Variants in NFATC3 observed in about 807,000 individuals in gnomAD.
NFATC3 encodes nuclear factor of activated T cells 3.
A neutral mutation model predicts 98.6 loss-of-function variants in NFATC3; 46 were observed. The ratio of observed to expected loss-of-function variants is 0.47; its 90% confidence interval spans 0.37 to 0.60. The LOEUF (loss-of-function observed/expected upper bound fraction) is 0.60, where lower values mean the gene tolerates loss of function less well. Among genes scored for constraint, NFATC3 ranks in the 20% least tolerant of loss-of-function variants. NFATC3 has a pLI of 0.00. For synonymous variants in NFATC3, 512 were observed against 472.2 expected (o/e 1.08, Z -1.09); for missense variants, 1,256 against 1,295.5 (o/e 0.97, Z 0.47).
intron 9 of NFATC3, chr16:68,221,550 A>G (rs1206770555): frequency 8.4e-7 from 1 of 1,188,942 alleles, no homozygotes; most frequent in Non-Finnish European, 1.0e-6. Flanking sequence ...TACTCAATAT[A>G]TGTAAGCACT....
At chr16:68,118,015 G>A (rs1046841238) in intron 1 of NFATC3, among the ~76,000 whole-genome samples, 1 of 152,004 alleles carries the variant, frequency 6.6e-6, no homozygotes, top group Non-Finnish European at 1.5e-5. Context: ...TCTATGTCTT[G>A]GCTTCTTCTA....
chr16:68,086,396 T>C (rs1437045142), intron 1 of NFATC3, among the ~76,000 whole-genome samples: 1 of 152,140 alleles, frequency 6.6e-6, no homozygotes, highest in East Asian at 1.9e-4. Flanking sequence ...TTTTTTTTAA[T>C]AGTGGGTTGC....
chr16:68,140,984 A>G (rs2037721998), intron 3 of NFATC3, among the ~76,000 whole-genome samples: 1 of 152,134 alleles, frequency 6.6e-6, no homozygotes, highest in African/African-American at 2.4e-5. Context: ...TATCCATTAT[A>G]CCACTCTTTA....
At chr16:68,186,206 A>C (rs1410879602) in intron 8 of NFATC3, among the ~76,000 whole-genome samples, 1 of 151,772 alleles carries the variant, frequency 6.6e-6, no homozygotes, top group African/African-American at 2.4e-5. Flanking sequence ...AAGTCAGTAC[A>C]TTACTGTAAT....
At position 68,122,382 on chromosome 16, in the gene NFATC3, G is replaced by A; in HGVS notation, c.499G>A (p.Ala167Thr). The A allele has an allele frequency of 6.2e-7, 1 of 1,614,088 alleles. No homozygotes were observed. Among genetic ancestry groups the A allele is most frequent in the Non-Finnish European group, 8.5e-7 (1 of 1,180,024 alleles). The change falls in exon 2 of 10, where the codon GCC (alanine) becomes ACC (threonine). Residue 167 changes from alanine (A) to threonine (T), a missense_variant. Around this residue, in one of 3 missense-constraint regions of NFATC3, gnomAD observed 464 missense variants for 465.7 expected, o/e 1.00. Transcript: ENST00000346183. Reference sequence around the variant, plus strand: ...GGAGTCTTCTCTTAGTCCTAGTCCTGCCAGCAGCATCTCTTCTAGGAGTTG... The same window carrying A: ...GGAGTCTTCTCTTAGTCCTAGTCCTACCAGCAGCATCTCTTCTAGGAGTTG... ...YRESSLSPSP[A>T]SSISSRSWFS...
At chr16:68,152,593 C>G (rs1417936244) in intron 3 of NFATC3, among the ~76,000 whole-genome samples, 1 of 152,082 alleles carries the variant, frequency 6.6e-6, no homozygotes, top group Non-Finnish European at 1.5e-5. Context: ...TCACTGCAGC[C>G]TTGAACTGGC....
intron 3 of NFATC3, among the ~76,000 whole-genome samples, chr16:68,140,350 G>A (rs1271828364): frequency 6.6e-6 from 1 of 152,214 alleles, no homozygotes; most frequent in Non-Finnish European, 1.5e-5. Context: ...TAGGGAAAAG[G>A]TAGATACTAA....
intron 1 of NFATC3, chr16:68,086,004 A>G: frequency 2.3e-6 from 1 of 433,644 alleles, no homozygotes. Context: ...GAAGCAAACT[A>G]GTGGGGAACT....
intron 9 of NFATC3, among the ~76,000 whole-genome samples, chr16:68,222,683 C>A (rs2041914805): frequency 6.6e-6 from 1 of 152,204 alleles, no homozygotes; most frequent in Admixed American, 6.5e-5. Flanking sequence ...TTCTAAATAG[C>A]TTCCAAGTGA....
intron 3 of NFATC3, among the ~76,000 whole-genome samples, chr16:68,147,118 C>T (rs890821585): frequency 1.3e-5 from 2 of 152,174 alleles, no homozygotes; most frequent in Non-Finnish European, 2.9e-5. Context: ...CTTCCCCCAA[C>T]ATCAGTTTAT....
At chr16:68,163,588 G>A (rs1271303192) in intron 4 of NFATC3, among the ~76,000 whole-genome samples, 7 of 113,934 alleles carry the variant, frequency 6.1e-5, no homozygotes, top group Non-Finnish European at 9.5e-5. Flanking sequence ...GGGCGGAGAC[G>A]CTCCTCACTT....
At chr16:68,103,149 G>A (rs12927799) in intron 1 of NFATC3, among the ~76,000 whole-genome samples, 4 of 149,070 alleles carry the variant, frequency 2.7e-5, no homozygotes, top group African/African-American at 7.4e-5. Flanking sequence ...TTCCCATTCT[G>A]TAGGTTGTCT....
chr16:68,117,093 G>A (rs1372419318), intron 1 of NFATC3, among the ~76,000 whole-genome samples: 1 of 152,162 alleles, frequency 6.6e-6, no homozygotes, highest in African/African-American at 2.4e-5. Flanking sequence ...CTAAAATTGA[G>A]TAGAGAGGAT....
chr16:68,144,250 A>G (rs1333470350), intron 3 of NFATC3, among the ~76,000 whole-genome samples: 2 of 152,202 alleles, frequency 1.3e-5, no homozygotes, highest in Non-Finnish European at 2.9e-5. Flanking sequence ...TTACATACCT[A>G]TTAGAACAGC....
intron 9 of NFATC3, among the ~76,000 whole-genome samples, chr16:68,203,827 G>C (rs2041028713): frequency 6.6e-6 from 1 of 152,112 alleles, no homozygotes; most frequent in South Asian, 2.1e-4. Context: ...GAGATGGGAG[G>C]ATCATTTGAC....
chr16:68,111,376 T>C (rs2035938524), intron 1 of NFATC3, among the ~76,000 whole-genome samples: 1 of 152,220 alleles, frequency 6.6e-6, no homozygotes, highest in Non-Finnish European at 1.5e-5. Flanking sequence ...CCATGCTGTA[T>C]GCCCTTCTTT....
chr16:68,165,121 TC>T (rs2039126789), intron 4 of NFATC3, among the ~76,000 whole-genome samples: 1 of 152,106 alleles, frequency 6.6e-6, no homozygotes, highest in African/African-American at 2.4e-5. Flanking sequence ...CTCTGCTATT[TC>T]CCCTGAAGAC....
At chr16:68,104,911 C>T (rs1412024685) in intron 1 of NFATC3, among the ~76,000 whole-genome samples, 3 of 152,030 alleles carry the variant, frequency 2.0e-5, no homozygotes, top group Non-Finnish European at 4.4e-5. Context: ...CTCTTGGCCT[C>T]CCAAAATGCT....
intron 1 of NFATC3, among the ~76,000 whole-genome samples, chr16:68,105,363 T>G (rs1286866549): frequency 6.6e-6 from 1 of 152,114 alleles, no homozygotes; most frequent in Non-Finnish European, 1.5e-5. Context: ...AGTACAGGCA[T>G]GAACCAGTAC....
Sources: gnomAD v4.1 joint callset for allele counts (sites outside exome capture counted in the v4.1 genomes callset) on GRCh38, gnomAD v4.1.1 for gene constraint, gnomAD v4.1.1 regional missense constraint, MANE v1.5 for transcripts, NCBI Gene and HGNC (gene_info 2026-07-23, HGNC 2026-07-21) for gene names.